VTI1A: variants seen among roughly 807,000 people sequenced by gnomAD.
The protein encoded by VTI1A is vesicle transport through interaction with t-SNAREs 1A, also known as vesicle transport through interaction with t-SNAREs homolog 1A.
VTI1A carries 22 observed loss-of-function variants against 34.9 expected under a neutral mutation model. The observed-to-expected ratio is 0.63, with a 90% CI of 0.45 to 0.90. The LOEUF (loss-of-function observed/expected upper bound fraction) is 0.90, where lower values mean the gene tolerates loss of function less well. VTI1A is among the 40% of genes least tolerant of loss of function. The probability of loss-of-function intolerance (pLI) is 0.00; values close to 1 mark genes in which losing one functional copy is unlikely to be tolerated. For missense variants in VTI1A, 268 were observed against 275.6 expected, an observed-to-expected ratio of 0.97 and a Z score of 0.20; for synonymous variants, 87 against 97.3, an observed-to-expected ratio of 0.89 and a Z score of 0.62.
At chr10:112,511,933 A>AT (rs1368815901) in intron 3 of VTI1A, among the ~76,000 whole-genome samples, 2 of 152,160 alleles carry the variant, frequency 1.3e-5, no homozygotes, top group African/African-American at 4.8e-5. Context: ...TTCATTCTGT[A>AT]TATGTACCAC....
At chr10:112,620,619 C>T (rs944619195) in intron 5 of VTI1A, among the ~76,000 whole-genome samples, 9 of 151,984 alleles carry the variant, frequency 5.9e-5, no homozygotes, top group East Asian at 3.9e-4. Context: ...GGTGAAACCC[C>T]GTCTCTACTA....
At chr10:112,779,622 C>A (rs1321996473) in intron 7 of VTI1A, among the ~76,000 whole-genome samples, 1 of 152,084 alleles carries the variant, frequency 6.6e-6, no homozygotes, top group Admixed American at 6.5e-5. Context: ...CATGCTCATC[C>A]CACTATTCAA....
chr10:112,595,821 C>G (rs1035035612), intron 5 of VTI1A, among the ~76,000 whole-genome samples: 1 of 151,912 alleles, frequency 6.6e-6, no homozygotes, highest in Non-Finnish European at 1.5e-5. Flanking sequence ...GGTATATACC[C>G]AAAGGACTAT....
intron 5 of VTI1A, among the ~76,000 whole-genome samples, chr10:112,660,889 T>A (rs1256797717): frequency 6.6e-6 from 1 of 152,248 alleles, no homozygotes; most frequent in Non-Finnish European, 1.5e-5. Context: ...CTAGTTTTCA[T>A]ACATTTCACT....
intron 3 of VTI1A, among the ~76,000 whole-genome samples, chr10:112,501,653 A>ACACCCCCCCCCC (rs1849242293): frequency 2.5e-5 from 1 of 40,494 alleles, no homozygotes; most frequent in Admixed American, 2.6e-4. Flanking sequence ...TCCCTCCCCA[A>ACACCCCCCCCCC]CCCCCCACCC....
chr10:112,698,690 T>C (rs1021320169), intron 7 of VTI1A, among the ~76,000 whole-genome samples: 1 of 152,230 alleles, frequency 6.6e-6, no homozygotes, highest in Non-Finnish European at 1.5e-5. Flanking sequence ...TGAACTGATG[T>C]TTTAACACCC....
intron 5 of VTI1A, among the ~76,000 whole-genome samples, chr10:112,564,144 C>A (rs1851823419): frequency 6.9e-6 from 1 of 145,408 alleles, no homozygotes; most frequent in Non-Finnish European, 1.5e-5. Context: ...ATTGACAAAT[C>A]TGACCTTGAG....
chr10:112,621,410 G>C (rs947399637), intron 5 of VTI1A, among the ~76,000 whole-genome samples: 1 of 152,110 alleles, frequency 6.6e-6, no homozygotes, highest in Non-Finnish European at 1.5e-5. Context: ...GGGAAATGTT[G>C]GACTTAGGTA....
chr10:112,554,792 ACT>A (rs2134310396), intron 5 of VTI1A, among the ~76,000 whole-genome samples: 1 of 151,932 alleles, frequency 6.6e-6, no homozygotes, highest in African/African-American at 2.4e-5. Context: ...CTTTCCTCCC[ACT>A]CTCTACCTCT....
chr10:112,551,087 C>CA (rs539843345), intron 5 of VTI1A, among the ~76,000 whole-genome samples: 212 of 151,814 alleles, frequency 1.4e-3, no homozygotes, highest in Middle Eastern at 6.8e-3. Context: ...ACTAAAAATA[C>CA]AAAAAAATTA....
chr10:112,836,903 G>A, the VTI1A span, among the ~76,000 whole-genome samples: 1 of 152,304 alleles, frequency 6.6e-6, no homozygotes, highest in South Asian at 2.1e-4. Flanking sequence ...GAATGCAGTG[G>A]CTTCAAGTTA....
intron 5 of VTI1A, among the ~76,000 whole-genome samples, chr10:112,548,115 G>A (rs1185328129): frequency 6.6e-6 from 1 of 152,114 alleles, no homozygotes; most frequent in African/African-American, 2.4e-5. Flanking sequence ...GTTTTCCTAA[G>A]TCGTCTCATT....
At chr10:112,796,012 T>C (rs1590192265) in intron 7 of VTI1A, among the ~76,000 whole-genome samples, 1 of 152,180 alleles carries the variant, frequency 6.6e-6, no homozygotes, top group South Asian at 2.1e-4. Flanking sequence ...TAATGAAAGC[T>C]AGACAGTCGT....
At chr10:112,577,593 A>C (rs923654665) in intron 5 of VTI1A, among the ~76,000 whole-genome samples, 2 of 152,220 alleles carry the variant, frequency 1.3e-5, no homozygotes, top group African/African-American at 4.8e-5. Flanking sequence ...CATTGTGAAC[A>C]AATAACATGC....
chr10:112,660,712 C>A (rs187627201), intron 5 of VTI1A, among the ~76,000 whole-genome samples: 74 of 152,196 alleles, frequency 4.9e-4, no homozygotes, highest in East Asian at 3.9e-4. Flanking sequence ...ATTTAAATAG[C>A]CCCATGTGGC....
intron 5 of VTI1A, among the ~76,000 whole-genome samples, chr10:112,664,874 A>G (rs569906643): frequency 4.6e-5 from 7 of 152,324 alleles, no homozygotes; most frequent in African/African-American, 1.7e-4. Flanking sequence ...TCATACTGAC[A>G]TAGAGAATTC....
intron 3 of VTI1A, among the ~76,000 whole-genome samples, chr10:112,487,414 G>A (rs1186657003): frequency 1.3e-5 from 2 of 152,142 alleles, no homozygotes; most frequent in Admixed American, 6.5e-5. Context: ...GTGAGCCACC[G>A]TGCCTGGCCT....
chr10:112,796,416 A>AG (rs1554963658), intron 7 of VTI1A, among the ~76,000 whole-genome samples: 1 of 103,534 alleles, frequency 9.7e-6, no homozygotes, highest in East Asian at 3.0e-4. Context: ...AAAAAAAAAA[A>AG]AAAAAGAAGG....
chr10:112,847,222 A>G, the VTI1A span, among the ~76,000 whole-genome samples: 1 of 152,212 alleles, frequency 6.6e-6, no homozygotes, highest in African/African-American at 2.4e-5. Flanking sequence ...CTCCCTCAGT[A>G]AGTTTTTGAC....
Sources: allele counts gnomAD v4.1 joint callset (sites outside exome capture counted in the v4.1 genomes callset), GRCh38; gene constraint gnomAD v4.1.1; transcripts MANE v1.5; gene names NCBI Gene and HGNC (gene_info 2026-07-23, HGNC 2026-07-21).